The following KDM6A variants were observed in gnomAD, a reference collection of about 807,000 sequenced individuals.
The protein encoded by KDM6A is lysine demethylase 6A.
Under a neutral mutation model 117.6 loss-of-function variants are expected in KDM6A, and 11 were observed. The observed-to-expected ratio is 0.09, with a 90% CI of 0.06 to 0.15. The LOEUF (loss-of-function observed/expected upper bound fraction) is 0.15, where lower values mean the gene tolerates loss of function less well. Among genes scored for constraint, KDM6A ranks in the 10% least tolerant of loss-of-function variants. KDM6A has a pLI of 1.00. For missense variants in KDM6A, 799 were observed against 1,077.3 expected (o/e 0.74, Z 3.62); for synonymous variants, 384 against 396.1 (o/e 0.97, Z 0.36).
chrX:45,073,955 T>G (rs1026959155), intron 18 of KDM6A, among the ~76,000 whole-genome samples: 11 of 112,092 alleles, frequency 9.8e-5, no homozygotes, highest in African/African-American at 3.6e-4. Context: ...TGCCCATGCC[T>G]ATGTCGTGAA....
chrX:45,040,180 G>A (rs1204969349), intron 8 of KDM6A, among the ~76,000 whole-genome samples: 3 of 91,161 alleles, frequency 3.3e-5, no homozygotes, highest in South Asian at 6.3e-4. Flanking sequence ...CGGCTGGCCA[G>A]GCAGAGGGGC....
At chrX:45,003,445 T>C (rs12393283) in intron 4 of KDM6A, among the ~76,000 whole-genome samples, 6,961 of 104,155 alleles carry the variant, frequency 0.067, 630 homozygotes, top group African/African-American at 0.23. Flanking sequence ...TTTCTTGTGT[T>C]AGCAAAACAG....
rs73490989 is a variant in KDM6A at position 45,056,729 on chromosome X, A to T, written c.876-2277A>T. Among the ~76,000 whole-genome samples, 860 of 111,631 alleles carry T rather than the reference A, an allele frequency of 7.7e-3. 14 individuals are homozygous for T. Among genetic ancestry groups the T allele is most frequent in the African/African-American group, 0.027 (823 of 30,773 alleles). Reference sequence around the variant, plus strand: ...ACTTTCATTAGAGGAAAAGTGGTTGATGGTTGGAGTGGGACATCTGTATCT... The same window carrying T: ...ACTTTCATTAGAGGAAAAGTGGTTGTTGGTTGGAGTGGGACATCTGTATCT... On this transcript the variant is annotated intron_variant, in intron 10 of 29. Transcript: ENST00000611820.
intron 18 of KDM6A, among the ~76,000 whole-genome samples, chrX:45,073,931 A>G (rs1289710488): frequency 2.7e-5 from 3 of 111,766 alleles, no homozygotes; most frequent in Non-Finnish European, 5.6e-5. Context: ...TTGGTGTTTT[A>G]GTCATGAAGT....
intron 4 of KDM6A, among the ~76,000 whole-genome samples, chrX:45,007,955 G>C (rs1467230970): frequency 8.9e-6 from 1 of 111,828 alleles, no homozygotes; most frequent in Non-Finnish European, 1.9e-5. Context: ...ATAAAACTAA[G>C]TTTTTACTGT....
rs767577605 is a variant in KDM6A at position 45,062,628 on chromosome X, C to A, written c.1582-19C>A. On this transcript the variant is annotated intron_variant, in intron 15 of 29. Transcript: ENST00000611820. ...CTAAATATATCTTTGACTATATTCTCTTTTTGTTCTTCTTCTAGCATTTGG... is the reference window on the plus strand; with the variant it reads ...CTAAATATATCTTTGACTATATTCTATTTTTGTTCTTCTTCTAGCATTTGG... The A allele has an allele frequency of 9.0e-7, 1 of 1,109,116 alleles. No individual in the cohort carries two copies. The allele number at this position is 1,109,116 out of a possible 1,213,427, so 91.4% of individuals were successfully genotyped here. A position where few individuals can be genotyped will look rare whatever the true frequency, so the allele number is the denominator to read the frequency against.
At chrX:45,033,843 G>A (rs1027579361) in intron 6 of KDM6A, among the ~76,000 whole-genome samples, 2 of 110,643 alleles carry the variant, frequency 1.8e-5, no homozygotes, top group African/African-American at 3.3e-5. Flanking sequence ...GTGAGCCACC[G>A]CACCTTGCCA....
chrX:45,040,784 A>C (rs1162286526), intron 8 of KDM6A, among the ~76,000 whole-genome samples: 7 of 31,403 alleles, frequency 2.2e-4, no homozygotes, highest in Admixed American at 8.2e-4. Flanking sequence ...GACCCCCCCA[A>C]CCTCCCTCCC....
rs1569528618 is a variant in KDM6A, at chrX:45,042,242, GAAGGAGACCGTGGA to G, written c.654+4554_654+4567del. 1.4e-3 allele frequency among the ~76,000 whole-genome samples: 108 copies of G among 76,817 alleles called. 8 individuals are homozygous for G. The highest frequency in any genetic ancestry group is 7.3e-3 in the African/African-American group (106 of 14,434). The allele number at this position is 76,817 out of a possible 115,157, so 66.7% of individuals were successfully genotyped here. A position where few individuals can be genotyped will look rare whatever the true frequency, so the allele number is the denominator to read the frequency against. On this transcript the variant is annotated intron_variant, in intron 8 of 29. Coordinates refer to ENST00000611820, the MANE Select transcript of KDM6A (RefSeq NM_001291415.2). ...GGCTCGGCATCAGAGGGAGACCGTGGAAGGAGACCGTGGAGGGAGAGGGGAGAGGGGAGAGGGGA... is the reference window on the plus strand; with the variant it reads ...GGCTCGGCATCAGAGGGAGACCGTGGGGGAGAGGGGAGAGGGGAGAGGGGA...
At chrX:44,999,205 A>G (rs1335179189) in intron 4 of KDM6A, among the ~76,000 whole-genome samples, 1 of 111,958 alleles carries the variant, frequency 8.9e-6, no homozygotes, top group African/African-American at 3.2e-5. Context: ...AAGAAATAGC[A>G]CTTGAATATA....
At chrX:44,920,201 A>G (rs887068156) in intron 2 of KDM6A, among the ~76,000 whole-genome samples, 1 of 111,534 alleles carries the variant, frequency 9.0e-6, no homozygotes, top group African/African-American at 3.3e-5. Flanking sequence ...TACTGATTGT[A>G]TATCTACTTC....
chrX:45,001,885 T>G (rs1035664643), intron 4 of KDM6A, among the ~76,000 whole-genome samples: 3 of 110,937 alleles, frequency 2.7e-5, no homozygotes, highest in Non-Finnish European at 3.8e-5. Flanking sequence ...CAGGCTTGCT[T>G]GAGTTTTCCT....
chrX:45,006,493 A>T, intron 4 of KDM6A, among the ~76,000 whole-genome samples: 1 of 110,655 alleles, frequency 9.0e-6, no homozygotes, highest in Non-Finnish European at 1.9e-5. Flanking sequence ...CTTATCCCTG[A>T]CACACGTAGC....
chrX:45,103,786 A>G (rs2046418534), intron 27 of KDM6A, among the ~76,000 whole-genome samples: 1 of 111,445 alleles, frequency 9.0e-6, no homozygotes, highest in Admixed American at 9.6e-5. Flanking sequence ...TCCATTCTGG[A>G]ACTTCCTTTG....
chrX:45,050,303 G>A (rs759080853), intron 8 of KDM6A, among the ~76,000 whole-genome samples: 7 of 112,595 alleles, frequency 6.2e-5, no homozygotes, highest in Non-Finnish European at 1.1e-4. Flanking sequence ...TCGTGCCATT[G>A]CACTCCAGCC....
intron 17 of KDM6A, among the ~76,000 whole-genome samples, chrX:45,064,113 G>A (rs1198085091): frequency 8.9e-6 from 1 of 112,269 alleles, no homozygotes; most frequent in Non-Finnish European, 1.9e-5. Flanking sequence ...GCACATTTAT[G>A]TAATATTACT....
At chrX:45,011,402 C>G (rs1412882026) in intron 5 of KDM6A, among the ~76,000 whole-genome samples, 1 of 111,560 alleles carries the variant, frequency 9.0e-6, no homozygotes, top group Non-Finnish European at 1.9e-5. Flanking sequence ...AGTTTTCAGA[C>G]TTCTAGACAA....
intron 10 of KDM6A, among the ~76,000 whole-genome samples, chrX:45,054,223 A>C (rs2043973068): frequency 8.9e-6 from 1 of 111,784 alleles, no homozygotes; most frequent in African/African-American, 3.3e-5. Flanking sequence ...GTTTTAAAAA[A>C]GTCTTATCCA....
At chrX:44,921,259 C>T (rs190463304) in intron 2 of KDM6A, among the ~76,000 whole-genome samples, 254 of 111,933 alleles carry the variant, frequency 2.3e-3, no homozygotes, top group African/African-American at 7.9e-3. Context: ...ACGGGGAGGT[C>T]TTGTGCACTC....
Sources: gnomAD v4.1 joint callset for allele counts (sites outside exome capture counted in the v4.1 genomes callset) on GRCh38, gnomAD v4.1.1 for gene constraint, MANE v1.5 for transcripts, NCBI Gene and HGNC (gene_info 2026-07-23, HGNC 2026-07-21) for gene names.